Variants in ZNRF3 observed in about 807,000 individuals in gnomAD.
The protein encoded by ZNRF3 is E3 ubiquitin-protein ligase ZNRF3.
In ZNRF3, 23 loss-of-function variants were observed where a neutral mutation model predicts 72.5. The observed-to-expected ratio is 0.32, with a 90% confidence interval of 0.23 to 0.45. ZNRF3 has a LOEUF of 0.45. Among genes scored for constraint, ZNRF3 ranks in the 20% least tolerant of loss-of-function variants. The pLI, the probability that ZNRF3 is intolerant of heterozygous loss-of-function variation, is 1.00. For missense variants in ZNRF3, 1,169 were observed against 1,272.1 expected, an observed-to-expected ratio of 0.92 and a Z score of 1.23; for synonymous variants, 610 against 545.3, an observed-to-expected ratio of 1.12 and a Z score of -1.65.
intron 1 of ZNRF3, among the ~76,000 whole-genome samples, chr22:28,950,517 G>C (rs1163061858): frequency 1.3e-5 from 2 of 152,236 alleles, no homozygotes; most frequent in African/African-American, 2.4e-5. Context: ...AAAATAAACT[G>C]CTTCCTCATT....
intron 1 of ZNRF3, among the ~76,000 whole-genome samples, chr22:28,912,027 G>A (rs568847198): frequency 1.3e-5 from 2 of 152,300 alleles, no homozygotes; most frequent in South Asian, 2.1e-4. Context: ...GAAGGGCCCG[G>A]CCATTAAATT....
chr22:28,891,948 C>G (rs1345485847), intron 1 of ZNRF3, among the ~76,000 whole-genome samples: 1 of 152,172 alleles, frequency 6.6e-6, no homozygotes, highest in Non-Finnish European at 1.5e-5. Flanking sequence ...GATGGCACTT[C>G]TGTTGTTTTC....
At chr22:28,938,331 TATCTTATCTATTTTA>T (rs1004408126) in intron 1 of ZNRF3, among the ~76,000 whole-genome samples, 1 of 152,154 alleles carries the variant, frequency 6.6e-6, no homozygotes, top group Non-Finnish European at 1.5e-5. Flanking sequence ...CTTTTAAATA[TATCTTATCTATTTTA>T]ATCTAGCAGA....
Position 29,048,600 on chromosome 22 carries a change from G to A in ZNRF3, c.1015+109G>A. ...AGAACCACCGTGGCACTGCCCTCTG[G>A]ACTTGGAGGCCTGGCAGCCCTGGGT... On this transcript the variant is annotated intron_variant, in intron 7 of 8. Coordinates refer to ENST00000544604, the MANE Select transcript of ZNRF3 (RefSeq NM_001206998.2). This position sits in a 1 kb window ranked among gnomAD's most constrained non-coding sequence, Gnocchi z 4.9. 1 of 1,100,990 alleles carries A rather than the reference G, an allele frequency of 9.1e-7. No homozygotes were observed. Among genetic ancestry groups the A allele is most frequent in the Admixed American group, 2.0e-5 (1 of 50,106 alleles). 68.2% of individuals were successfully genotyped at this position (1,100,990 alleles called of 1,614,324 possible).
intron 1 of ZNRF3, among the ~76,000 whole-genome samples, chr22:28,926,587 C>T (rs920326164): frequency 2.0e-5 from 3 of 151,442 alleles, no homozygotes; most frequent in South Asian, 2.1e-4. Flanking sequence ...GTGGGCGGAT[C>T]GCCTGAGGTC....
At chr22:29,033,098 C>G (rs1438345122) in intron 2 of ZNRF3, among the ~76,000 whole-genome samples, 1 of 151,396 alleles carries the variant, frequency 6.6e-6, no homozygotes, top group Non-Finnish European at 1.5e-5. Flanking sequence ...GCCTGTAATC[C>G]CAGCACTTTG....
intron 1 of ZNRF3, among the ~76,000 whole-genome samples, chr22:28,911,237 G>A (rs1252211750): frequency 1.3e-5 from 2 of 152,158 alleles, no homozygotes; most frequent in East Asian, 3.9e-4. Flanking sequence ...TGGAGGGCAA[G>A]TTAGGGGAGG....
chr22:29,045,017 T>C lies in ZNRF3; in HGVS notation c.744+127T>C, dbSNP rs1446155172. 4.4e-6 allele frequency: 3 copies of C among 683,632 alleles called. No individual in the cohort carries two copies. In the East Asian group the frequency reaches 8.1e-5, roughly 19 times the overall value. 42.3% of individuals were successfully genotyped at this position (683,632 alleles called of 1,614,324 possible). A position where few individuals can be genotyped will look rare whatever the true frequency, so the allele number is the denominator to read the frequency against. On this transcript the variant is annotated intron_variant, in intron 5 of 8. Coordinates refer to ENST00000544604, the MANE Select transcript of ZNRF3 (RefSeq NM_001206998.2). ...AGCCTCACAGCTGTGGACTCTGAGCTCTGCAGCCTGTTCCCAGTGGCCTAG... is the reference window on the plus strand; with the variant it reads ...AGCCTCACAGCTGTGGACTCTGAGCCCTGCAGCCTGTTCCCAGTGGCCTAG...
At chr22:28,954,177 C>G (rs1022953904) in intron 1 of ZNRF3, among the ~76,000 whole-genome samples, 2 of 152,172 alleles carry the variant, frequency 1.3e-5, no homozygotes, top group Non-Finnish European at 2.9e-5. Context: ...GCTGCTGTAA[C>G]AAAATACCAT....
At chr22:29,039,154 GTC>G (rs1224176236) in intron 2 of ZNRF3, among the ~76,000 whole-genome samples, 1 of 152,148 alleles carries the variant, frequency 6.6e-6, no homozygotes, top group African/African-American at 2.4e-5. Flanking sequence ...CGTCTTTTGT[GTC>G]TCTCAAATGG....
rs2037291853 is a variant in ZNRF3 at position 29,056,045 on chromosome 22, TACAGGTGG to T, written c.*2424_*2431del. The stretch of plus-strand genomic sequence containing the variant: ...AGAAACCCATTTAATTTTTGTAGCT[TACAGGTGG>T]TAGAAACAAAAATGCAATTTTAAAA... On this transcript the variant is annotated 3_prime_UTR_variant, in exon 9 of 9. Coordinates refer to ENST00000544604, the MANE Select transcript of ZNRF3 (RefSeq NM_001206998.2). 1 of 151,868 alleles carries T rather than the reference TACAGGTGG, an allele frequency of 6.6e-6. No individual in the cohort carries two copies. Among genetic ancestry groups the T allele is most frequent in the South Asian group, 2.1e-4 (1 of 4,826 alleles). The allele number at this position is 151,868 out of a possible 1,614,324, so 9.4% of individuals were successfully genotyped here. A position where few individuals can be genotyped will look rare whatever the true frequency, so the allele number is the denominator to read the frequency against.
chr22:29,048,409 T>TA lies in ZNRF3; in HGVS notation c.934dup (p.Thr312AsnfsTer155). ...CCCAGGAGCTGCGGGTCATCCCCTG[T>TA]ACTCACCGGTTTCACAGGAAGTGCG... On this transcript the variant is annotated frameshift_variant, in exon 7 of 9. Transcript: ENST00000544604. LOFTEE classifies it high-confidence loss of function. This position sits in a 1 kb window ranked among gnomAD's most constrained non-coding sequence, Gnocchi z 4.9. 2 of 1,614,160 alleles carry TA rather than the reference T, an allele frequency of 1.2e-6. No homozygotes were observed. Among genetic ancestry groups the TA allele is most frequent in the Non-Finnish European group, 1.7e-6 (2 of 1,179,982 alleles).
intron 1 of ZNRF3, 22 bp downstream of exon 1, chr22:28,884,088 C>A (rs1416242298): frequency 8.4e-7 from 1 of 1,189,022 alleles, no homozygotes; most frequent in South Asian, 2.0e-5. Context: ...CCGCCCGGGC[C>A]CCGCGCCGCC....
chr22:28,946,926 A>C (rs745883200), intron 1 of ZNRF3, among the ~76,000 whole-genome samples: 3 of 152,192 alleles, frequency 2.0e-5, no homozygotes. Context: ...CACTGTCAAC[A>C]ATTGCTTGGG....
At chr22:28,934,503 TA>T (rs2123781120) in intron 1 of ZNRF3, among the ~76,000 whole-genome samples, 1 of 152,288 alleles carries the variant, frequency 6.6e-6, no homozygotes, top group Non-Finnish European at 1.5e-5. Flanking sequence ...ACATACTCAT[TA>T]AAATCTAAAC....
Position 29,050,887 on chromosome 22 carries a change from C to T in ZNRF3, c.2706C>T (p.Ala902=). Residue 902 remains alanine (A), a synonymous_variant, in exon 8 of 9, where the codon GCC becomes GCT. Transcript: ENST00000544604. ...CGGAGGAGGCGGGTGCTGTCAGGGCCAACTTCCCTAGTGCCCTCCAGGACA... is the reference window on the plus strand; with the variant it reads ...CGGAGGAGGCGGGTGCTGTCAGGGCTAACTTCCCTAGTGCCCTCCAGGACA... The part of the protein sequence containing the change: ...CPPEEAGAVR[A]NFPSALQDTQ... The T allele has an allele frequency of 6.3e-7, 1 of 1,584,042 alleles. No individual in the cohort carries two copies. The highest frequency in any genetic ancestry group is 8.5e-7 in the Non-Finnish European group (1 of 1,171,750).
In ZNRF3 at chr22:28,901,206, C is replaced by T. The variant is rs564819577; in HGVS notation, c.300+17140C>T. Among the ~76,000 whole-genome samples, 3 of 152,294 alleles carry T rather than the reference C, an allele frequency of 2.0e-5. No individual in the cohort carries two copies. The East Asian group carries it at 5.8e-4, about 29-fold the overall frequency. On this transcript the variant is annotated intron_variant, in intron 1 of 8. Coordinates refer to ENST00000544604, the MANE Select transcript of ZNRF3 (RefSeq NM_001206998.2). ...GCCTCTTTGTTTGAATTTGGAAGAG[C>T]TGTCCCTTCCTGAAGATACCTGAAT...
intron 1 of ZNRF3, among the ~76,000 whole-genome samples, chr22:28,898,137 G>A (rs1214865038): frequency 1.3e-5 from 2 of 152,034 alleles, no homozygotes; most frequent in Non-Finnish European, 1.5e-5. Context: ...TCGTAGAGAG[G>A]GGGTTTTGCT....
chr22:29,043,575 C>T (rs749735634), intron 4 of ZNRF3, 145 bp downstream of exon 4: 71 of 977,714 alleles, frequency 7.3e-5, no homozygotes, highest in Non-Finnish European at 9.6e-5. Context: ...CTATTGGACT[C>T]AAGGCCAGGG....
Sources: gnomAD v4.1 joint callset for allele counts (sites outside exome capture counted in the v4.1 genomes callset) on GRCh38, gnomAD v4.1.1 for gene constraint, Gnocchi (gnomAD v3.1) non-coding constraint, MANE v1.5 for transcripts, NCBI Gene and HGNC (gene_info 2026-07-23, HGNC 2026-07-21) for gene names.